The following CRYBG2 variants were observed in gnomAD, a reference collection of about 807,000 sequenced individuals.
The protein encoded by CRYBG2 is beta/gamma crystallin domain-containing protein 2.
In CRYBG2, 106 loss-of-function variants were observed where a neutral mutation model predicts 153.4. That is an observed-to-expected ratio of 0.69 (90% CI 0.59 to 0.81). The LOEUF (loss-of-function observed/expected upper bound fraction) is 0.81. CRYBG2 is among the 30% of genes least tolerant of loss of function. The pLI, the probability that CRYBG2 is intolerant of heterozygous loss-of-function variation, is 0.00. For missense variants in CRYBG2, 1,996 were observed against 2,112.0 expected (o/e 0.95, Z 1.08); for synonymous variants, 851 against 877.8 (o/e 0.97, Z 0.54).
chr1:26,327,877 G>A (rs973400911), intron 17 of CRYBG2, among the ~76,000 whole-genome samples: 8 of 151,692 alleles, frequency 5.3e-5, no homozygotes, highest in Admixed American at 1.3e-4. Flanking sequence ...AACCCGGGAG[G>A]TGGAGGCTGC....
chr1:26,343,542 C>T lies in CRYBG2; in HGVS notation c.2913+203G>A, dbSNP rs974505101. Among the ~76,000 whole-genome samples the T allele has an allele frequency of 1.3e-5, 2 of 152,200 alleles. No homozygotes were observed. The highest frequency in any genetic ancestry group is 2.4e-5 in the African/African-American group (1 of 41,444). Reference sequence around the variant, plus strand: ...GAGCCCCCACACCCTTTGGAATCCACAGTACAAACCTCCCACAGTAGGGAT... The same window carrying T: ...GAGCCCCCACACCCTTTGGAATCCATAGTACAAACCTCCCACAGTAGGGAT... On this transcript the variant is annotated intron_variant, in intron 2 of 19. Coordinates refer to ENST00000308182, the MANE Select transcript of CRYBG2 (RefSeq NM_001039775.4). This position sits in a 1 kb window ranked among gnomAD's most constrained non-coding sequence, Gnocchi z 4.1.
At chr1:26,339,206 G>GA (rs1261081832) in intron 6 of CRYBG2, 84 bp downstream of exon 6, 1 of 1,518,178 alleles carries the variant, frequency 6.6e-7, no homozygotes, top group Non-Finnish European at 8.8e-7. Context: ...CTGAAGGCAG[G>GA]AACTGTGTTC....
chr1:26,343,782 G>A lies in CRYBG2; in HGVS notation c.2876C>T (p.Thr959Met), dbSNP rs759509672. The A allele has an allele frequency of 1.2e-5, 18 of 1,450,356 alleles. No homozygotes were observed. The highest frequency in any genetic ancestry group is 1.5e-5 in the Non-Finnish European group (17 of 1,098,980). 89.8% of individuals were successfully genotyped at this position (1,450,356 alleles called of 1,614,324 possible). A position where few individuals can be genotyped will look rare whatever the true frequency, so the allele number is the denominator to read the frequency against. ...PLLCSERSSP[T>M]EKLACSLPLE... ...GGGCAGGGAACAGGCAAGCTTCTCCGTTGGGGATGATCTTTCACTGCAAAG... is the reference window on the plus strand; with the variant it reads ...GGGCAGGGAACAGGCAAGCTTCTCCATTGGGGATGATCTTTCACTGCAAAG... The change falls in exon 2 of 20, where the codon ACG becomes ATG. Residue 959 changes from threonine (T) to methionine (M), a missense_variant. Physicochemically the swap from Thr to Met is moderately conservative, Grantham distance 81. Transcript: ENST00000308182. This position sits in a 1 kb window ranked among gnomAD's most constrained non-coding sequence, Gnocchi z 4.1.
At chr1:26,324,349 G>A (rs1023703219) in intron 17 of CRYBG2, 39 bp from the exon 18 acceptor site, 25 of 1,563,504 alleles carry the variant, frequency 1.6e-5, no homozygotes, top group Non-Finnish European at 2.2e-5. Context: ...GGGTGCCGGG[G>A]AGGGATGACC....
At position 26,331,405 on chromosome 1, in the gene CRYBG2, C is replaced by T. The variant is rs758124487; in HGVS notation, c.4314+84G>A. 6.7e-4 allele frequency: 1,043 copies of T among 1,546,258 alleles called. 2 individuals are homozygous for T. Among genetic ancestry groups the T allele is most frequent in the Middle Eastern group, 1.2e-3 (5 of 4,314 alleles). On this transcript the variant is annotated intron_variant, in intron 15 of 19. Transcript: ENST00000308182. ...AAAAACACTGGAATCAACCCCTGCA[C>T]CAGCACACAGGTTCTGTGTCCAGAA... is the stretch of plus-strand genomic sequence containing the variant.
intron 1 of CRYBG2, among the ~76,000 whole-genome samples, chr1:26,352,776 G>C (rs1375756005): frequency 8.2e-6 from 1 of 121,474 alleles, no homozygotes; most frequent in Non-Finnish European, 1.7e-5. Context: ...CCCTCTCCAA[G>C]GTAGCCTCCT....
At chr1:26,340,213 C>G (rs1032292667) in intron 5 of CRYBG2, among the ~76,000 whole-genome samples, 1 of 152,222 alleles carries the variant, frequency 6.6e-6, no homozygotes, top group Admixed American at 6.5e-5. Context: ...CATTCACTCA[C>G]TCATTCATCA....
intron 6 of CRYBG2, 118 bp from the exon 7 acceptor site, chr1:26,338,595 G>T: frequency 8.4e-7 from 1 of 1,194,424 alleles, no homozygotes; most frequent in Non-Finnish European, 1.1e-6. Flanking sequence ...GTTCCCATCA[G>T]TCTCGTATAA....
At chr1:26,324,104 C>A in intron 18 of CRYBG2, 48 bp downstream of exon 18, 1 of 1,585,510 alleles carries the variant, frequency 6.3e-7, no homozygotes, top group Non-Finnish European at 8.6e-7. Context: ...AGTGGACCTG[C>A]AAATGCCTAG....
At chr1:26,352,051 G>T (rs1329859081) in intron 1 of CRYBG2, among the ~76,000 whole-genome samples, 1 of 152,048 alleles carries the variant, frequency 6.6e-6, no homozygotes, top group African/African-American at 2.4e-5. Context: ...CTGAGGAGGG[G>T]GCGGGGGGAG....
chr1:26,344,197 G>A lies in CRYBG2; in HGVS notation c.2461C>T (p.Pro821Ser). 3 of 1,535,674 alleles carry A rather than the reference G, an allele frequency of 2.0e-6. No individual in the cohort carries two copies. The highest frequency in any genetic ancestry group is 2.6e-6 in the Non-Finnish European group (3 of 1,146,620). ...WVLGPGPQEVPSLEEKEEEEE... is the reference protein window; with the variant it reads ...WVLGPGPQEVSSLEEKEEEEE... ...TCCTCCTCTTTCTCTTCCAGTGAAG[G>A]CACCTCCTGGGGTCCGGGGCCCAGC... Residue 821 changes from proline (P) to serine (S), a missense_variant, in exon 2 of 20, where the codon CCT becomes TCT. Physicochemically the swap from Pro to Ser is moderately conservative, Grantham distance 74. Transcript: ENST00000308182.
chr1:26,332,651 C>A (rs1202764732), intron 14 of CRYBG2, among the ~76,000 whole-genome samples: 32 of 152,098 alleles, frequency 2.1e-4, no homozygotes, highest in Non-Finnish European at 1.5e-5. Flanking sequence ...GGACTACAGG[C>A]ATGCGCCACC....
At chr1:26,338,921 C>A (rs557327708) in intron 6 of CRYBG2, among the ~76,000 whole-genome samples, 2 of 152,318 alleles carry the variant, frequency 1.3e-5, no homozygotes, top group South Asian at 2.1e-4. Flanking sequence ...CCCATTTATT[C>A]AATTGACAAA....
rs1199748605 is a variant in CRYBG2, at chr1:26,345,731, A to T, written c.927T>A (p.Pro309=). 6.3e-7 allele frequency: 1 copy of T among 1,597,352 alleles called. No homozygotes were observed. The highest frequency in any genetic ancestry group is 2.2e-5 in the East Asian group (1 of 44,834). Residue 309 remains proline, a synonymous_variant, in exon 2 of 20, where the codon CCT becomes CCA. Transcript: ENST00000308182. The part of the protein sequence containing the change: ...SAHLPKNQDA[P]AACPDRDQGR... ...CCTGGTCTCTGTCCGGACAGGCTGC[A>T]GGGGCATCCTGATTCTTAGGCAGGT...
In CRYBG2 at chr1:26,344,127, T is replaced by G; in HGVS notation, c.2531A>C (p.Lys844Thr). ...PENPYLSDDE[K>T]LQRRQEKAGP... ...AGCTTTCTCCTGCCTGCGCTGGAGCTTCTCATCGTCACTCAGATAGGGGTT... is the reference window on the plus strand; with the variant it reads ...AGCTTTCTCCTGCCTGCGCTGGAGCGTCTCATCGTCACTCAGATAGGGGTT... The change falls in exon 2 of 20, where the codon AAG (lysine) becomes ACG (threonine). Residue 844 changes from lysine (K) to threonine (T), a missense_variant. Coordinates refer to ENST00000308182, the MANE Select transcript of CRYBG2 (RefSeq NM_001039775.4). 9.8e-6 allele frequency: 15 copies of G among 1,536,090 alleles called. No homozygotes were observed. Among genetic ancestry groups the G allele is most frequent in the Non-Finnish European group, 1.3e-5 (15 of 1,146,886 alleles).
rs199771568 is a variant in CRYBG2 at position 26,324,281 on chromosome 1, T to C, written c.4608A>G (p.Ala1536=). ...GCACTGCCAGGAATCCCCCCAGTGC[T>C]GCATTCCAGAGGCGGAAATAAACCC... The part of the protein sequence containing the change: ...QRRVYFRLWN[A]ALGGFLAVPD... The change falls in exon 18 of 20, where the codon GCA becomes GCG. Residue 1536 remains alanine, a synonymous_variant. Transcript: ENST00000308182. 473 of 1,609,778 alleles carry C rather than the reference T, an allele frequency of 2.9e-4. 1 individual carries two copies. Among genetic ancestry groups the C allele is most frequent in the Non-Finnish European group, 7.9e-5 (93 of 1,179,262 alleles).
At chr1:26,339,261 G>T in intron 6 of CRYBG2, 29 bp downstream of exon 6, 1 of 1,600,700 alleles carries the variant, frequency 6.2e-7, no homozygotes, top group South Asian at 1.1e-5. Flanking sequence ...AATGTCAAAT[G>T]AGGGGATTCT....
chr1:26,332,035 C>T (rs1005579859), intron 14 of CRYBG2, among the ~76,000 whole-genome samples: 3 of 152,108 alleles, frequency 2.0e-5, no homozygotes, highest in African/African-American at 4.8e-5. Context: ...GGGCTGGGCG[C>T]GGTGGCTCAC....
In CRYBG2 at chr1:26,343,682, C is replaced by T; in HGVS notation, c.2913+63G>A. 1 of 1,431,164 alleles carries T rather than the reference C, an allele frequency of 7.0e-7. No individual in the cohort carries two copies. Among genetic ancestry groups the T allele is most frequent in the South Asian group, 1.6e-5 (1 of 63,852 alleles). 88.7% of individuals were successfully genotyped at this position (1,431,164 alleles called of 1,614,324 possible). A position where few individuals can be genotyped will look rare whatever the true frequency, so the allele number is the denominator to read the frequency against. Reference sequence around the variant, plus strand: ...GACTCCCAGCACCACTCTCTTCACACCACTCAAGCCTTGACCCAGGTGAGG... The same window carrying T: ...GACTCCCAGCACCACTCTCTTCACATCACTCAAGCCTTGACCCAGGTGAGG... On this transcript the variant is annotated intron_variant, in intron 2 of 19. Transcript: ENST00000308182. The surrounding 1 kb of genome is among the most constrained non-coding windows in gnomAD (Gnocchi z 4.1).
Sources: gnomAD v4.1 joint callset for allele counts (sites outside exome capture counted in the v4.1 genomes callset) on GRCh38, gnomAD v4.1.1 for gene constraint, Gnocchi (gnomAD v3.1) non-coding constraint, MANE v1.5 for transcripts, NCBI Gene and HGNC (gene_info 2026-07-23, HGNC 2026-07-21) for gene names.